Variants in ZNF44 observed in about 807,000 individuals in gnomAD.
ZNF44 encodes the protein gonadotropin inducible transcription repressor-2.
ZNF44 carries 9 observed loss-of-function variants against 11.7 expected under a neutral mutation model. The observed-to-expected ratio is 0.77, with a 90% confidence interval of 0.46 to 1.35. ZNF44 has a LOEUF of 1.35. Among genes scored for constraint, ZNF44 ranks in the 40% most tolerant of loss-of-function variants. The pLI is 0.00. For synonymous variants in ZNF44, 224 were observed against 242.7 expected (o/e 0.92, Z 0.72); for missense variants, 696 against 743.1 (o/e 0.94, Z 0.74).
upstream of ZNF44, among the ~76,000 whole-genome samples, chr19:12,239,368 C>T (rs922553042): frequency 4.0e-5 from 6 of 151,098 alleles, no homozygotes; most frequent in African/African-American, 1.2e-4. Context: ...CCTGCCTTGG[C>T]CTCCCAAAGT....
chr19:12,248,032 GT>G, exon 8 of ZNF44: 1 of 1,339,086 alleles, frequency 7.5e-7, no homozygotes, highest in Non-Finnish European at 9.9e-7. Flanking sequence ...CATTCATAGG[GT>G]TTTTCTCCAG....
upstream of ZNF44, chr19:12,238,022 G>A (rs1251336933): frequency 6.6e-6 from 1 of 152,266 alleles, no homozygotes; most frequent in Non-Finnish European, 1.5e-5. Flanking sequence ...AGGAGGGAGA[G>A]CCCAGATGTC....
chr19:12,233,472 C>T lies in ZNF44; in HGVS notation n.380+1195G>A, dbSNP rs190922476. Among the ~76,000 whole-genome samples, 16 of 148,774 alleles carry T rather than the reference C, an allele frequency of 1.1e-4. No homozygotes were observed. The South Asian group carries it at 2.1e-3, about 20-fold the overall frequency. ...CAAAGCAAATAACAATAACAAGGCC[C>T]GGAGAAATTGAACATACTTGAGAAG... On this transcript the variant is annotated intron_variant and non_coding_transcript_variant, in intron 2 of 3. Coordinates refer to the ZNF44 transcript ENST00000597563.
chr19:12,283,330 ATTTTT>A (rs200300650), intron 1 of ZNF44, among the ~76,000 whole-genome samples: 1 of 151,720 alleles, frequency 6.6e-6, no homozygotes, highest in South Asian at 2.1e-4. Flanking sequence ...AATTACAGAA[ATTTTT>A]TTTTCTTTTT....
intron 1 of ZNF44, among the ~76,000 whole-genome samples, chr19:12,282,080 T>C (rs1182012360): frequency 2.0e-5 from 3 of 152,084 alleles, no homozygotes; most frequent in Non-Finnish European, 4.4e-5. Context: ...TACAGACATA[T>C]CTCCACCATG....
intron 5 of ZNF44, among the ~76,000 whole-genome samples, chr19:12,264,143 T>C (rs1369288045): frequency 1.0e-5 from 1 of 97,984 alleles, no homozygotes; most frequent in East Asian, 2.1e-4. Flanking sequence ...CCAAGGAAAC[T>C]ACAATTACAA....
chr19:12,290,806 G>A (rs1967979786), intron 1 of ZNF44, among the ~76,000 whole-genome samples: 1 of 152,184 alleles, frequency 6.6e-6, no homozygotes, highest in East Asian at 1.9e-4. Context: ...GGCTCCCCAG[G>A]AAGAACCAAC....
chr19:12,241,605 G>A (rs192749861), upstream of ZNF44, among the ~76,000 whole-genome samples: 158 of 152,314 alleles, frequency 1.0e-3, 1 homozygote, highest in African/African-American at 3.7e-3. Flanking sequence ...TGAGACAGGA[G>A]AAACACTTGA....
chr19:12,273,793 G>A lies in ZNF44; in HGVS notation c.462C>T (p.His154=). 1.2e-6 allele frequency: 2 copies of A among 1,614,072 alleles called. No individual in the cohort carries two copies. Among genetic ancestry groups the A allele is most frequent in the Non-Finnish European group, 1.7e-6 (2 of 1,180,006 alleles). ...GAGGCCTTTCACATGTTTGAAAGGA[G>A]TGGCGATAACTTAAGCCTTTCCCAC... ...KQCGKGLSYR[H]SFQTCERPHT... The change falls in exon 4 of 4, where the codon CAC becomes CAT. Residue 154 remains histidine (H), a synonymous_variant. Transcript: ENST00000355684.
intron 1 of ZNF44, among the ~76,000 whole-genome samples, chr19:12,235,340 A>G (rs1162949202): frequency 6.6e-6 from 1 of 152,138 alleles, no homozygotes; most frequent in Non-Finnish European, 1.5e-5. Context: ...CTGCAGTCCG[A>G]CCTGGGCGAA....
chr19:12,260,971 C>T (rs777561621), intron 5 of ZNF44, among the ~76,000 whole-genome samples: 4 of 152,200 alleles, frequency 2.6e-5, no homozygotes, highest in Admixed American at 6.5e-5. Flanking sequence ...AAGGGCGAGG[C>T]TGCAATGATG....
chr19:12,255,242 T>A (rs1917197564), intron 5 of ZNF44, among the ~76,000 whole-genome samples: 1 of 152,016 alleles, frequency 6.6e-6, no homozygotes, highest in South Asian at 2.1e-4. Flanking sequence ...GCATGTGCTT[T>A]AGGAAATTAG....
chr19:12,294,486 G>A (rs1968158943), intron 1 of ZNF44, among the ~76,000 whole-genome samples: 1 of 152,254 alleles, frequency 6.6e-6, no homozygotes, highest in Admixed American at 6.5e-5. Context: ...TCGCAGCTCA[G>A]GGACGGGACA....
intron 1 of ZNF44, among the ~76,000 whole-genome samples, chr19:12,294,121 T>C (rs62111301): frequency 2.0e-5 from 3 of 152,142 alleles, no homozygotes. Context: ...GATCTTGAAT[T>C]CCAGCGGAAA....
At chr19:12,276,296 A>G (rs1967217315) in intron 1 of ZNF44, 1 of 639,850 alleles carries the variant, frequency 1.6e-6, no homozygotes, top group East Asian at 4.7e-5. Flanking sequence ...GAGTAGGAAC[A>G]TATCTCTTAT....
chr19:12,252,912 G>T (rs1287261885), intron 5 of ZNF44, among the ~76,000 whole-genome samples: 1 of 109,172 alleles, frequency 9.2e-6, no homozygotes, highest in African/African-American at 3.6e-5. Context: ...TTGAGAGACA[G>T]AGTCTCACTC....
chr19:12,239,084 A>G (rs1249432885), upstream of ZNF44, among the ~76,000 whole-genome samples: 1 of 152,192 alleles, frequency 6.6e-6, no homozygotes, highest in Non-Finnish European at 1.5e-5. Flanking sequence ...TCTCCAGAAG[A>G]CAACCCAAAC....
intron 1 of ZNF44, chr19:12,291,378 T>G (rs958486614): frequency 7.7e-6 from 3 of 387,400 alleles, no homozygotes; most frequent in Admixed American, 3.3e-5. Context: ...AATTTTTCCC[T>G]TGGTAGTATT....
chr19:12,279,485 C>T (rs1305191261), intron 1 of ZNF44, among the ~76,000 whole-genome samples: 1 of 151,968 alleles, frequency 6.6e-6, no homozygotes, highest in East Asian at 1.9e-4. Context: ...TCAATACCCC[C>T]ACCCCCAAAA....
Sources: gnomAD v4.1 joint callset for allele counts (sites outside exome capture counted in the v4.1 genomes callset) on GRCh38, gnomAD v4.1.1 for gene constraint, MANE v1.5 for transcripts, NCBI Gene and HGNC (gene_info 2026-07-23, HGNC 2026-07-21) for gene names.